KIF26A: variants seen among roughly 807,000 people sequenced by gnomAD.
The protein encoded by KIF26A is kinesin family member 26A, also known as kinesin-like protein KIF26A.
In KIF26A, 74 loss-of-function variants were observed where a neutral mutation model predicts 126.0. The observed-to-expected ratio is 0.59, with a 90% confidence interval of 0.49 to 0.71. The LOEUF is 0.71. Among genes scored for constraint, KIF26A ranks in the 30% least tolerant of loss-of-function variants. The probability of loss-of-function intolerance (pLI) is 0.00; values close to 1 mark genes in which losing one functional copy is unlikely to be tolerated. For synonymous variants in KIF26A, 1,445 were observed against 1,232.7 expected (o/e 1.17, Z -3.61); for missense variants, 2,984 against 2,763.3 (o/e 1.08, Z -1.79).
intron 2 of KIF26A, among the ~76,000 whole-genome samples, chr14:104,149,333 C>T (rs939291894): frequency 2.0e-5 from 3 of 152,150 alleles, no homozygotes; most frequent in Admixed American, 6.5e-5. Context: ...GTGGCCCACT[C>T]GTGGGCTTTC....
intron 4 of KIF26A, among the ~76,000 whole-genome samples, chr14:104,158,314 G>T (rs974819585): frequency 6.6e-6 from 1 of 152,252 alleles, no homozygotes; most frequent in African/African-American, 2.4e-5. Flanking sequence ...CATAGGAGTC[G>T]CTGTGACTGC....
rs1278604006 is a variant in KIF26A, at chr14:104,175,942, A to G, written c.3154A>G (p.Thr1052Ala). The G allele has an allele frequency of 6.4e-7, 1 of 1,561,330 alleles. No homozygotes were observed. Among genetic ancestry groups the G allele is most frequent in the Admixed American group, 1.8e-5 (1 of 54,376 alleles). The change falls in exon 12 of 15, where the codon ACC becomes GCC. Residue 1052 changes from threonine (T) to alanine (A), a missense_variant. Physicochemically the swap from Thr to Ala is moderately conservative, Grantham distance 58 (BLOSUM62 0). Transcript: ENST00000423312. ...LGALAGAGRPTSLASFDSDCS... is the reference protein window; with the variant it reads ...LGALAGAGRPASLASFDSDCS... The stretch of plus-strand genomic sequence containing the variant: ...GGCGCTTGCCGGAGCTGGGCGGCCC[A>G]CCAGCCTGGCTAGCTTCGACAGTGA...
In KIF26A at chr14:104,179,337, C is replaced by T. The variant is rs368962466; in HGVS notation, c.5418C>T (p.Ala1806=). The T allele has an allele frequency of 3.7e-4, 569 of 1,540,260 alleles. 4 individuals are homozygous for T. Among genetic ancestry groups the T allele is most frequent in the Admixed American group, 1.4e-3 (70 of 50,800 alleles). ...AKHKHLCEEL[A]ETQGRLMLEP... The stretch of plus-strand genomic sequence containing the variant: ...ACAAGCACCTGTGTGAGGAGCTGGC[C>T]GAGACCCAGGGCCGGCTGATGCTGG... The change falls in exon 14 of 15, where the codon GCC becomes GCT. Residue 1806 remains alanine (A), a synonymous_variant. Transcript: ENST00000423312.
At position 104,179,899 on chromosome 14, in the gene KIF26A, T is replaced by G; in HGVS notation, c.*109T>G. The G allele has an allele frequency of 2.6e-6, 3 of 1,135,928 alleles. No individual in the cohort carries two copies. Among genetic ancestry groups the G allele is most frequent in the Non-Finnish European group, 3.6e-6 (3 of 831,140 alleles). The allele number at this position is 1,135,928 out of a possible 1,614,324, so 70.4% of individuals were successfully genotyped here. On this transcript the variant is annotated 3_prime_UTR_variant, in exon 15 of 15. Coordinates refer to ENST00000423312, the MANE Select transcript of KIF26A (RefSeq NM_015656.2). ...CGGGGGGAGGATGCGGAGGGGTTTC[T>G]GTGCAGGACGGGAGTCTCAGAGAGG... is the stretch of plus-strand genomic sequence containing the variant.
chr14:104,159,313 C>T lies in KIF26A; in HGVS notation c.923+1371C>T, dbSNP rs180693015. Among the ~76,000 whole-genome samples, 141 of 152,366 alleles carry T rather than the reference C, an allele frequency of 9.3e-4. 1 individual carries two copies. The highest frequency in any genetic ancestry group is 3.3e-3 in the African/African-American group (136 of 41,590). ...GAATTAAAGGGCCTGTGCGGCTGTT[C>T]TGGGCACAGCCCTGTGGCCGTGCTC... On this transcript the variant is annotated intron_variant, in intron 4 of 14. Transcript: ENST00000423312.
rs1240387213 is a variant in KIF26A, at chr14:104,157,748, C to T, written c.736-7C>T. Reference sequence around the variant, plus strand: ...GTTCCTTATACGCACTCTCTCCTTCCCTCCAGGCCGAGGCAGCGGTGGCGG... The same window carrying T: ...GTTCCTTATACGCACTCTCTCCTTCTCTCCAGGCCGAGGCAGCGGTGGCGG... On this transcript the variant is annotated splice_polypyrimidine_tract_variant and splice_region_variant and intron_variant, in intron 3 of 14. Transcript: ENST00000423312. The T allele has an allele frequency of 5.0e-6, 8 of 1,610,082 alleles. No homozygotes were observed. In the East Asian group the frequency reaches 1.6e-4, roughly 31 times the overall value.
chr14:104,152,338 G>C lies in KIF26A; in HGVS notation c.612G>C (p.Gln204His). The change falls in exon 3 of 15, where the codon CAG becomes CAC. Residue 204 changes from glutamine (Q) to histidine (H), a missense_variant. Transcript: ENST00000423312. The surrounding 1 kb of genome is among the most constrained non-coding windows in gnomAD (Gnocchi z 5.9). ...GLAWSPGPSVQVSVAPAGLGG... is the reference protein window; with the variant it reads ...GLAWSPGPSVHVSVAPAGLGG... The stretch of plus-strand genomic sequence containing the variant: ...CCTGGTCCCCCGGGCCCAGTGTCCA[G>C]GTGTCTGTAGCACCTGCGGGTCTTG... The C allele has an allele frequency of 6.3e-7, 1 of 1,583,852 alleles. No homozygotes were observed. Among genetic ancestry groups the C allele is most frequent in the East Asian group, 2.3e-5 (1 of 43,302 alleles).
At chr14:104,157,637 C>G (rs962860317) in intron 3 of KIF26A, 118 bp from the exon 4 acceptor site, 3 of 1,111,288 alleles carry the variant, frequency 2.7e-6, no homozygotes, top group Non-Finnish European at 3.7e-6. Context: ...GGGTGCAGAG[C>G]CCCCAGGAAT....
intron 6 of KIF26A, 90 bp from the exon 7 acceptor site, chr14:104,172,485 C>A (rs1258325735): frequency 1.2e-6 from 1 of 861,326 alleles, no homozygotes. Flanking sequence ...GGGTCGACTG[C>A]CTGCATGTGC....
Position 104,175,985 on chromosome 14 carries a change from T to C in KIF26A, c.3197T>C (p.Leu1066Pro). 1 of 1,580,074 alleles carries C rather than the reference T, an allele frequency of 6.3e-7. No individual in the cohort carries two copies. Among genetic ancestry groups the C allele is most frequent in the Admixed American group, 1.7e-5 (1 of 57,200 alleles). The change falls in exon 12 of 15, where the codon CTG becomes CCG. Residue 1066 changes from leucine to proline, a missense_variant. Transcript: ENST00000423312. ...GACAGTGACTGCTCCCTGCGGGCCC[T>C]GGCCTCGGGGTCCCGGCCAGTCAGC... Reference protein sequence around the residue: ...SFDSDCSLRALASGSRPVSII... With the variant: ...SFDSDCSLRAPASGSRPVSII...
rs767562178 is a variant in KIF26A at position 104,173,033 on chromosome 14, C to T, written c.1477C>T (p.Pro493Ser). Reference sequence around the variant, plus strand: ...CTCACCCCAGAGCCTGGGCATCGTGCCCTGCGCCATCTCCTGGCTCTTCAG... The same window carrying T: ...CTCACCCCAGAGCCTGGGCATCGTGTCCTGCGCCATCTCCTGGCTCTTCAG... ...DSSPQSLGIV[P>S]CAISWLFRLI... is the part of the protein sequence containing the mutation. Residue 493 changes from proline to serine, a missense_variant, in exon 8 of 15, where the codon CCC (proline) becomes TCC (serine). Coordinates refer to ENST00000423312, the MANE Select transcript of KIF26A (RefSeq NM_015656.2). 1.9e-6 allele frequency: 3 copies of T among 1,606,984 alleles called. No individual in the cohort carries two copies. Among genetic ancestry groups the T allele is most frequent in the Non-Finnish European group, 2.5e-6 (3 of 1,177,748 alleles).
intron 13 of KIF26A, among the ~76,000 whole-genome samples, 170 bp downstream of exon 13, chr14:104,178,925 G>T (rs1201586859): frequency 6.6e-6 from 1 of 152,152 alleles, no homozygotes; most frequent in Non-Finnish European, 1.5e-5. Context: ...GAGCGGCCCT[G>T]CCCAGCCCAA....
Position 104,174,982 on chromosome 14 carries a change from T to C in KIF26A, c.2194T>C (p.Tyr732His), listed in dbSNP as rs1334825048. The change falls in exon 12 of 15, where the codon TAC (tyrosine) becomes CAC (histidine). Residue 732 changes from tyrosine to histidine, a missense_variant and splice_region_variant. Transcript: ENST00000423312. ...IHRLRRKKAK[Y>H]ASSSSGGESS... is the part of the protein sequence containing the mutation. ...GGCAGCTCCACTTTTCTTCCCCCAG[T>C]ACGCCTCCAGCTCCTCTGGCGGGGA... 3.9e-6 allele frequency: 6 copies of C among 1,533,976 alleles called. No individual in the cohort carries two copies. The highest frequency in any genetic ancestry group is 5.2e-6 in the Non-Finnish European group (6 of 1,143,354).
chr14:104,158,188 G>A (rs902331021), intron 4 of KIF26A, among the ~76,000 whole-genome samples: 15 of 152,250 alleles, frequency 9.9e-5, no homozygotes, highest in African/African-American at 3.6e-4. Context: ...GGGCTCTGTG[G>A]CCAGGACCCT....
rs1258828679 is a variant in KIF26A, at chr14:104,152,441, T to C, written c.715T>C (p.Phe239Leu). 6.3e-7 allele frequency: 1 copy of C among 1,584,740 alleles called. No homozygotes were observed. Among genetic ancestry groups the C allele is most frequent in the African/African-American group, 1.3e-5 (1 of 74,156 alleles). The change falls in exon 3 of 15, where the codon TTC becomes CTC. Residue 239 changes from phenylalanine (F) to leucine (L), a missense_variant. Transcript: ENST00000423312. The surrounding 1 kb of genome is among the most constrained non-coding windows in gnomAD (Gnocchi z 5.9). Reference sequence around the variant, plus strand: ...GTGGAGTGTCTCGCGGGTCAACAGCTTCCTCCCGCCGGCGTGCCTGGTGAG... The same window carrying C: ...GTGGAGTGTCTCGCGGGTCAACAGCCTCCTCCCGCCGGCGTGCCTGGTGAG... ...GMWSVSRVNS[F>L]LPPACLAEAA...
chr14:104,179,742 C>T lies in KIF26A; in HGVS notation c.5601C>T (p.Ser1867=), dbSNP rs546384028. The T allele has an allele frequency of 1.7e-5, 27 of 1,554,214 alleles. No homozygotes were observed. Among genetic ancestry groups the T allele is most frequent in the Middle Eastern group, 1.7e-4 (1 of 5,952 alleles). ...HVMMVTCFDI[S]VAASAAIPGP... is the part of the protein sequence containing the mutation. ...TGATGGTCACCTGCTTCGACATCAG[C>T]GTTGCAGCCAGTGCTGCCATCCCGG... Residue 1867 remains serine (S), a synonymous_variant, in exon 15 of 15, where the codon AGC becomes AGT. Coordinates refer to ENST00000423312, the MANE Select transcript of KIF26A (RefSeq NM_015656.2).
rs2037725131 is a variant in KIF26A at position 104,151,080 on chromosome 14, C to T, written c.289-935C>T. ...TGGGGTGGTGAGGGACACGGGTGGG[C>T]CCCAGAGAGGAGTAAGCCTCTTGGT... On this transcript the variant is annotated intron_variant, in intron 2 of 14. Transcript: ENST00000423312. The surrounding 1 kb of genome is among the most constrained non-coding windows in gnomAD (Gnocchi z 4.9). Among the ~76,000 whole-genome samples the T allele has an allele frequency of 6.6e-6, 1 of 152,160 alleles. No individual in the cohort carries two copies. Among genetic ancestry groups the T allele is most frequent in the African/African-American group, 2.4e-5 (1 of 41,446 alleles).
intron 2 of KIF26A, among the ~76,000 whole-genome samples, chr14:104,140,067 C>T (rs1185046521): frequency 1.3e-5 from 2 of 152,078 alleles, no homozygotes; most frequent in Non-Finnish European, 2.9e-5. Context: ...GGCCTTCAGC[C>T]TTTATGAAAG....
chr14:104,173,255 G>A lies in KIF26A; in HGVS notation c.1683+16G>A, dbSNP rs373964798. Reference sequence around the variant, plus strand: ...TGGGGCGCAGGTGCGCCTGCCTACTGTCCCACCTTGGGGGAGGGGGGCTGC... The same window carrying A: ...TGGGGCGCAGGTGCGCCTGCCTACTATCCCACCTTGGGGGAGGGGGGCTGC... On this transcript the variant is annotated intron_variant, in intron 8 of 14. Coordinates refer to ENST00000423312, the MANE Select transcript of KIF26A (RefSeq NM_015656.2). 41 of 1,603,504 alleles carry A rather than the reference G, an allele frequency of 2.6e-5. No individual in the cohort carries two copies. The East Asian group carries it at 7.6e-4, about 30-fold the overall frequency.
Sources: gnomAD v4.1 joint callset for allele counts (sites outside exome capture counted in the v4.1 genomes callset) on GRCh38, gnomAD v4.1.1 for gene constraint, Gnocchi (gnomAD v3.1) non-coding constraint, MANE v1.5 for transcripts, NCBI Gene and HGNC (gene_info 2026-07-23, HGNC 2026-07-21) for gene names.